Variants in SH3TC1 observed in about 807,000 individuals in gnomAD.
SH3TC1 encodes the protein SH3 domain and tetratricopeptide repeats 1, also known as SH3 domain and tetratricopeptide repeat-containing protein 1.
SH3TC1 carries 135 observed loss-of-function variants against 117.3 expected under a neutral mutation model. The observed-to-expected ratio is 1.15, with a 90% confidence interval of 1.00 to 1.33. The LOEUF is 1.33. Among genes scored for constraint, SH3TC1 ranks in the 40% most tolerant of loss-of-function variants. SH3TC1 has a pLI of 0.00. For missense variants in SH3TC1, 2,092 were observed against 1,794.3 expected (o/e 1.17, Z -3.00); for synonymous variants, 898 against 816.9 (o/e 1.10, Z -1.69).
rs371070384 is a variant in SH3TC1, at chr4:8,237,618, A to G, written c.3701A>G (p.Tyr1234Cys). Reference sequence around the variant, plus strand: ...CTGGAGTTTGACGAGGAGACCCTCTACTACGTGAAGGTGTACCTGGTGCTC... The same window carrying G: ...CTGGAGTTTGACGAGGAGACCCTCTGCTACGTGAAGGTGTACCTGGTGCTC... ...SPLEFDEETL[Y>C]YVKVYLVLGD... The change falls in exon 17 of 18, where the codon TAC (tyrosine) becomes TGC (cysteine). Residue 1234 changes from tyrosine (Y) to cysteine (C), a missense_variant. Tyr to Cys is a radical substitution (Grantham distance 194). Transcript: ENST00000245105. The G allele has an allele frequency of 7.4e-6, 12 of 1,612,076 alleles. No homozygotes were observed. In the African/African-American group the frequency reaches 1.3e-4, roughly 18 times the overall value.
chr4:8,193,154 C>A (rs1476939138), intron 1 of SH3TC1, among the ~76,000 whole-genome samples: 1 of 152,248 alleles, frequency 6.6e-6, no homozygotes, highest in Non-Finnish European at 1.5e-5. Flanking sequence ...CCGGCCCTAC[C>A]CAGAGCACGT....
rs774319788 is a variant in SH3TC1 at position 8,233,340 on chromosome 4, C to A, written c.3132-23C>A. 19 of 1,588,388 alleles carry A rather than the reference C, an allele frequency of 1.2e-5. No homozygotes were observed. In the African/African-American group the frequency reaches 2.0e-4, roughly 17 times the overall value. ...TTCCAGGAGGATGACAGCCCTTGTT[C>A]TGACACCTGTGTCTGATACCAGGGC... On this transcript the variant is annotated intron_variant, in intron 13 of 17. Coordinates refer to ENST00000245105, the MANE Select transcript of SH3TC1 (RefSeq NM_018986.5).
chr4:8,223,418 G>A (rs1198097861), intron 10 of SH3TC1, among the ~76,000 whole-genome samples: 1 of 152,214 alleles, frequency 6.6e-6, no homozygotes, highest in Non-Finnish European at 1.5e-5. Flanking sequence ...TGGCTGCCAG[G>A]GAGTGTCATG....
At position 8,219,199 on chromosome 4, in the gene SH3TC1, C is replaced by T. The variant is rs919392273; in HGVS notation, c.917-136C>T. ...GACATTCCCTCCCTCATTGCGGAAA[C>T]CAAGCTTTACTACGAACCTCCTAGT... On this transcript the variant is annotated intron_variant, in intron 8 of 17. Transcript: ENST00000245105. The T allele has an allele frequency of 1.7e-5, 14 of 844,678 alleles. No homozygotes were observed. The Admixed American group carries it at 1.8e-4, about 11-fold the overall frequency. The allele number at this position is 844,678 out of a possible 1,614,324, so 52.3% of individuals were successfully genotyped here.
intron 3 of SH3TC1, among the ~76,000 whole-genome samples, chr4:8,211,923 CA>C (rs1175770954): frequency 1.3e-5 from 2 of 152,140 alleles, no homozygotes; most frequent in Non-Finnish European, 2.9e-5. Context: ...ACCATGCTGC[CA>C]TGGGGTCCCA....
At chr4:8,226,260 A>AGCCAGCAGGC (rs1276293164) in intron 11 of SH3TC1, among the ~76,000 whole-genome samples, 5 of 152,178 alleles carry the variant, frequency 3.3e-5, no homozygotes, top group African/African-American at 4.8e-5. Context: ...AATCCACCAA[A>AGCCAGCAGGC]GCCAGCAGGC....
rs148217745 is a variant in SH3TC1 at position 8,208,711 on chromosome 4, G to A, written c.173-1037G>A. Among the ~76,000 whole-genome samples the A allele has an allele frequency of 6.2e-3, 944 of 152,356 alleles. 2 individuals carry two copies. Among genetic ancestry groups the A allele is most frequent in the African/African-American group, 6.5e-3 (269 of 41,594 alleles). On this transcript the variant is annotated intron_variant, in intron 2 of 17. Transcript: ENST00000245105. ...CTAGCTCTGGGCTTGGGCTGGGGCTGCAGAGCAAGTGAGGCCTAGGAATGG... is the reference window on the plus strand; with the variant it reads ...CTAGCTCTGGGCTTGGGCTGGGGCTACAGAGCAAGTGAGGCCTAGGAATGG...
chr4:8,219,492 G>T lies in SH3TC1; in HGVS notation c.1074G>T (p.Val358=). 5 of 1,597,556 alleles carry T rather than the reference G, an allele frequency of 3.1e-6. No homozygotes were observed. The African/African-American group carries it at 6.7e-5, about 21-fold the overall frequency. ...CAGCCTCGGGCCGGGTGGGGTTTGT[G>T]CGGAGCAGCCTCATCAGCATGCAGG... is the stretch of plus-strand genomic sequence containing the variant. ...RHAASGRVGF[V]RSSLISMQGP... Residue 358 remains valine (V), a synonymous_variant, in exon 9 of 18, where the codon GTG becomes GTT. Coordinates refer to ENST00000245105, the MANE Select transcript of SH3TC1 (RefSeq NM_018986.5).
At chr4:8,232,862 G>A in intron 13 of SH3TC1, 1 of 1,246,774 alleles carries the variant, frequency 8.0e-7, no homozygotes, top group Non-Finnish European at 1.0e-6. Context: ...TTCTCAAAGT[G>A]TGGTCCCTGG....
intron 1 of SH3TC1, chr4:8,201,361 CCCCA>C (rs1717828302): frequency 6.6e-6 from 1 of 152,376 alleles, no homozygotes; most frequent in Non-Finnish European, 1.5e-5. Context: ...CGGGGTTTGG[CCCCA>C]CGTCTCCGTG....
At chr4:8,231,567 C>T (rs1721211817) in intron 12 of SH3TC1, 1 of 180,398 alleles carries the variant, frequency 5.5e-6, no homozygotes, top group East Asian at 1.5e-4. Context: ...CGGCTTTGAG[C>T]CCCATTCCCC....
chr4:8,234,297 TCCAC>T (rs1721593378), intron 14 of SH3TC1, among the ~76,000 whole-genome samples: 1 of 151,368 alleles, frequency 6.6e-6, no homozygotes. Flanking sequence ...CATTCATCCA[TCCAC>T]CCACCCATCT....
At chr4:8,229,518 C>A (rs1394628266) in intron 12 of SH3TC1, among the ~76,000 whole-genome samples, 3 of 25,822 alleles carry the variant, frequency 1.2e-4, no homozygotes, top group Non-Finnish European at 2.5e-4. Flanking sequence ...AGCGGGTGAG[C>A]GGGGATGAGT....
At chr4:8,217,243 A>G (rs1172037352) in intron 7 of SH3TC1, 76 bp downstream of exon 7, 9 of 1,525,882 alleles carry the variant, frequency 5.9e-6, no homozygotes, top group Non-Finnish European at 6.2e-6. Flanking sequence ...CTGGAGGTCA[A>G]GGGGATGGAC....
intron 1 of SH3TC1, among the ~76,000 whole-genome samples, chr4:8,200,029 AC>A (rs1717724281): frequency 6.6e-6 from 1 of 151,518 alleles, no homozygotes; most frequent in South Asian, 2.1e-4. Flanking sequence ...CACCACTGAG[AC>A]CCCCTCTGGG....
chr4:8,235,578 G>A (rs1370665584), intron 15 of SH3TC1, 23 bp downstream of exon 15: 16 of 1,570,978 alleles, frequency 1.0e-5, no homozygotes, highest in Admixed American at 1.9e-5. Flanking sequence ...GTGGGCTGAT[G>A]TGGGTGGGCC....
At chr4:8,207,553 C>A (rs1007359128) in intron 2 of SH3TC1, among the ~76,000 whole-genome samples, 1 of 152,188 alleles carries the variant, frequency 6.6e-6, no homozygotes, top group Non-Finnish European at 1.5e-5. Context: ...ATTAGGCAAC[C>A]CTTCTCCATT....
intron 1 of SH3TC1, among the ~76,000 whole-genome samples, chr4:8,184,773 C>T (rs917889622): frequency 6.6e-6 from 1 of 152,202 alleles, no homozygotes; most frequent in Admixed American, 6.5e-5. Flanking sequence ...CCTCTCACTT[C>T]AGTGAGATTG....
At chr4:8,222,700 A>C (rs1720052131) in intron 9 of SH3TC1, 140 bp from the exon 10 acceptor site, 3 of 1,066,154 alleles carry the variant, frequency 2.8e-6, no homozygotes, top group Non-Finnish European at 3.9e-6. Flanking sequence ...TGTTGTTTTT[A>C]AATCTCTGTC....
Sources: allele counts gnomAD v4.1 joint callset (sites outside exome capture counted in the v4.1 genomes callset), GRCh38; gene constraint gnomAD v4.1.1; transcripts MANE v1.5; gene names NCBI Gene and HGNC (gene_info 2026-07-23, HGNC 2026-07-21).